SET: variants seen among roughly 807,000 people sequenced by gnomAD.
SET encodes the protein SET nuclear proto-oncogene.
SET carries 4 observed loss-of-function variants against 39.0 expected under a neutral mutation model. The observed-to-expected ratio is 0.10, with a 90% confidence interval of 0.05 to 0.23. The LOEUF (loss-of-function observed/expected upper bound fraction) is 0.23. SET is among the 10% of genes least tolerant of loss of function. The pLI, the probability that SET is intolerant of heterozygous loss-of-function variation, is 1.00. For missense variants in SET, 137 were observed against 329.7 expected (o/e 0.42, Z 4.53); for synonymous variants, 114 against 115.9 (o/e 0.98, Z 0.11).
Position 128,689,239 on chromosome 9 carries a change from G to C in SET, c.-344G>C, listed in dbSNP as rs1418473346. 2 of 1,000,210 alleles carry C rather than the reference G, an allele frequency of 2.0e-6. No homozygotes were observed. The highest frequency in any genetic ancestry group is 6.1e-5 in the Admixed American group (1 of 16,492). The allele number at this position is 1,000,210 out of a possible 1,614,324, so 62.0% of individuals were successfully genotyped here. A position where few individuals can be genotyped will look rare whatever the true frequency, so the allele number is the denominator to read the frequency against. On this transcript the variant is annotated 5_prime_UTR_variant, in exon 1 of 8. Coordinates refer to ENST00000322030, the MANE Select transcript of SET (RefSeq NM_003011.4). ...GCGCCCGCCCCTCGCCGTAGGAGGAGGTGGAGGAGGAGGCGGCTCGGGAGA... is the reference window on the plus strand; with the variant it reads ...GCGCCCGCCCCTCGCCGTAGGAGGACGTGGAGGAGGAGGCGGCTCGGGAGA...
Position 128,691,880 on chromosome 9 carries a change from G to C in SET, c.154G>C (p.Glu52Gln). ...IDRLNEQASE[E>Q]ILKVEQKYNK... ...CAGACTTAATGAACAAGCCAGTGAG[G>C]AGATTTTGAAAGTAGAACAGAAATA... Residue 52 changes from glutamate to glutamine, a missense_variant, in exon 3 of 8, where the codon GAG becomes CAG. Transcript: ENST00000322030. The C allele has an allele frequency of 1.2e-6, 2 of 1,613,360 alleles. No homozygotes were observed. Among genetic ancestry groups the C allele is most frequent in the Non-Finnish European group, 1.7e-6 (2 of 1,179,602 alleles).
intron 2 of SET, 75 bp downstream of exon 2, chr9:128,691,302 G>T (rs1861526896): frequency 2.2e-6 from 2 of 914,474 alleles, no homozygotes; most frequent in South Asian, 1.4e-5. Flanking sequence ...TCGAAGCTAT[G>T]GTCAAATCTA....
At chr9:128,688,359 A>G (rs1384377168), upstream of SET, among the ~76,000 whole-genome samples, 2 of 152,240 alleles carry the variant, frequency 1.3e-5, no homozygotes, top group Non-Finnish European at 2.9e-5. Context: ...TTAGTGGTTC[A>G]GAACTTTGCC....
At position 128,689,555 on chromosome 9, in the gene SET, G is replaced by T; in HGVS notation, c.-28G>T. 2 of 1,024,498 alleles carry T rather than the reference G, an allele frequency of 2.0e-6. No individual in the cohort carries two copies. The highest frequency in any genetic ancestry group is 2.5e-6 in the Non-Finnish European group (2 of 785,582). 63.5% of individuals were successfully genotyped at this position (1,024,498 alleles called of 1,614,324 possible). A position where few individuals can be genotyped will look rare whatever the true frequency, so the allele number is the denominator to read the frequency against. On this transcript the variant is annotated 5_prime_UTR_variant, in exon 1 of 8. Coordinates refer to ENST00000322030, the MANE Select transcript of SET (RefSeq NM_003011.4). ...CGCCTTCCCTTCTCTCCCCCTCCCC[G>T]CTCCCCCCCCGACCGCGGAGCAGCA... is the stretch of plus-strand genomic sequence containing the variant.
rs1178089242 is a variant in SET at position 128,695,285 on chromosome 9, C to T, written c.*621C>T. On this transcript the variant is annotated 3_prime_UTR_variant, in exon 8 of 8. Transcript: ENST00000322030. ...TTTAATTGTGATATTTGACAGACAT[C>T]CTTGCAGTTTAAGATGACACTTTTA... 3.6e-5 allele frequency: 8 copies of T among 224,002 alleles called. No individual in the cohort carries two copies. Among genetic ancestry groups the T allele is most frequent in the Non-Finnish European group, 3.7e-5 (4 of 109,442 alleles). 13.9% of individuals were successfully genotyped at this position (224,002 alleles called of 1,614,324 possible). A position where few individuals can be genotyped will look rare whatever the true frequency, so the allele number is the denominator to read the frequency against.
chr9:128,691,915 C>A lies in SET; in HGVS notation c.189C>A (p.Leu63=), dbSNP rs1382501080. 6.2e-7 allele frequency: 1 copy of A among 1,613,698 alleles called. No homozygotes were observed. The highest frequency in any genetic ancestry group is 1.7e-5 in the Admixed American group (1 of 59,998). The change falls in exon 3 of 8, where the codon CTC becomes CTA. Residue 63 remains leucine (L), a synonymous_variant. Coordinates refer to ENST00000322030, the MANE Select transcript of SET (RefSeq NM_003011.4). ...AAGTAGAACAGAAATATAACAAACT[C>A]CGCCAACCATTTTTTCAGAAGAGGT... The part of the protein sequence containing the change: ...ILKVEQKYNK[L]RQPFFQKRSE...
In SET at chr9:128,691,159, C is replaced by A; in HGVS notation, c.74-11C>A. The stretch of plus-strand genomic sequence containing the variant: ...TATCTTAGAATTAAGTTTTTTGCTC[C>A]TTTTTTGCAGAAAAAGAACAGCAAG... On this transcript the variant is annotated splice_polypyrimidine_tract_variant and intron_variant, in intron 1 of 7. Transcript: ENST00000322030. 1.2e-6 allele frequency: 2 copies of A among 1,600,104 alleles called. No homozygotes were observed. The highest frequency in any genetic ancestry group is 1.7e-6 in the Non-Finnish European group (2 of 1,172,856).
upstream of SET, among the ~76,000 whole-genome samples, chr9:128,686,005 C>T (rs1277226696): frequency 2.7e-5 from 4 of 150,610 alleles, no homozygotes; most frequent in Admixed American, 6.6e-5. Context: ...CCAGCCTGGG[C>T]GACAAGAACA....
intron 7 of SET, 58 bp from the exon 8 acceptor site, chr9:128,694,583 A>AT: frequency 7.9e-7 from 1 of 1,271,084 alleles, no homozygotes; most frequent in South Asian, 1.3e-5. Context: ...ATTGTGGTCC[A>AT]TATGAAAGCA....
intron 5 of SET, among the ~76,000 whole-genome samples, chr9:128,693,226 C>CA (rs1417983559): frequency 3.3e-5 from 5 of 151,138 alleles, no homozygotes; most frequent in African/African-American, 7.3e-5. Context: ...CCTTACCTTC[C>CA]AAAAAACAAA....
At chr9:128,690,826 C>G (rs560073207) in intron 1 of SET, 19 of 265,484 alleles carry the variant, frequency 7.2e-5, no homozygotes, top group Admixed American at 2.0e-4. Context: ...TGTTCTCTTG[C>G]AAGTGTATAA....
chr9:128,685,226 A>C (rs1861244007), upstream of SET: 1 of 1,592,920 alleles, frequency 6.3e-7, no homozygotes, highest in Non-Finnish European at 8.6e-7. Context: ...GAGCCACATA[A>C]AACAACTTGT....
chr9:128,695,881 C>T lies in SET; in HGVS notation c.*1217C>T, dbSNP rs1861719077. The T allele has an allele frequency of 4.4e-6, 1 of 227,768 alleles. No homozygotes were observed. The highest frequency in any genetic ancestry group is 8.8e-6 in the Non-Finnish European group (1 of 114,064). 14.1% of individuals were successfully genotyped at this position (227,768 alleles called of 1,614,324 possible). A position where few individuals can be genotyped will look rare whatever the true frequency, so the allele number is the denominator to read the frequency against. On this transcript the variant is annotated 3_prime_UTR_variant, in exon 8 of 8. Transcript: ENST00000322030. ...TTACCTGGATATAAATTAATTGTGC[C>T]TGCCACCACCATCCAACAGACCTGG...
chr9:128,685,068 A>G (rs936659071), upstream of SET: 4 of 1,525,432 alleles, frequency 2.6e-6, no homozygotes, highest in African/African-American at 4.2e-5. Flanking sequence ...GGCTGAGGGC[A>G]GGCAACTCTT....
Position 128,696,384 on chromosome 9 carries a change from G to T in SET, c.*1720G>T, listed in dbSNP as rs577399588. ...TCTTGCTCCAATAAAGGAACATAAA[G>T]ATTTTTTTTGGACTGGGGTCATTCT... On this transcript the variant is annotated 3_prime_UTR_variant, in exon 8 of 8. Coordinates refer to ENST00000322030, the MANE Select transcript of SET (RefSeq NM_003011.4). The T allele has an allele frequency of 1.1e-5, 2 of 179,560 alleles. No individual in the cohort carries two copies. Among genetic ancestry groups the T allele is most frequent in the South Asian group, 4.0e-4 (2 of 5,040 alleles). 11.1% of individuals were successfully genotyped at this position (179,560 alleles called of 1,614,324 possible). A position where few individuals can be genotyped will look rare whatever the true frequency, so the allele number is the denominator to read the frequency against.
upstream of SET, chr9:128,685,218 G>A (rs766920327): frequency 9.4e-6 from 15 of 1,598,428 alleles, no homozygotes; most frequent in Non-Finnish European, 1.3e-5. Context: ...TGCTGGGTGA[G>A]CCACATAAAA....
rs1311639770 is a variant in SET at position 128,689,230 on chromosome 9, G to C, written c.-353G>C. On this transcript the variant is annotated 5_prime_UTR_variant, in exon 1 of 8. Transcript: ENST00000322030. ...CTGCGCCCTGCGCCCGCCCCTCGCC[G>C]TAGGAGGAGGTGGAGGAGGAGGCGG... The C allele has an allele frequency of 3.0e-6, 3 of 997,446 alleles. No individual in the cohort carries two copies. The highest frequency in any genetic ancestry group is 3.6e-6 in the Non-Finnish European group (3 of 837,372). 61.8% of individuals were successfully genotyped at this position (997,446 alleles called of 1,614,324 possible). A position where few individuals can be genotyped will look rare whatever the true frequency, so the allele number is the denominator to read the frequency against.
chr9:128,685,314 C>A, upstream of SET: 1 of 948,082 alleles, frequency 1.1e-6, no homozygotes, highest in Non-Finnish European at 1.7e-6. Flanking sequence ...CTAAGGGGAG[C>A]ACTAGACAGC....
intron 1 of SET, chr9:128,690,579 A>AG (rs1861493420): frequency 6.5e-6 from 1 of 153,686 alleles, no homozygotes; most frequent in Non-Finnish European, 1.4e-5. Flanking sequence ...GCCGCATCTG[A>AG]GGTCTGCCCG....
Sources: gnomAD v4.1 joint callset for allele counts (sites outside exome capture counted in the v4.1 genomes callset) on GRCh38, gnomAD v4.1.1 for gene constraint, MANE v1.5 for transcripts, NCBI Gene and HGNC (gene_info 2026-07-23, HGNC 2026-07-21) for gene names.